REEP1: variants seen among roughly 807,000 people sequenced by gnomAD.
REEP1 encodes the protein receptor accessory protein 1.
REEP1 carries 22 observed loss-of-function variants against 40.3 expected under a neutral mutation model. The observed-to-expected ratio is 0.55, with a 90% CI of 0.39 to 0.78. The LOEUF (loss-of-function observed/expected upper bound fraction) is 0.78, where lower values mean the gene tolerates loss of function less well. Among genes scored for constraint, REEP1 ranks in the 30% least tolerant of loss-of-function variants. REEP1 has a pLI of 0.00. For missense variants in REEP1, 280 were observed against 361.1 expected (o/e 0.78, Z 1.82); for synonymous variants, 116 against 139.2 (o/e 0.83, Z 1.17).
At chr2:86,241,278 A>G (rs1444117301) in intron 5 of REEP1, among the ~76,000 whole-genome samples, 3 of 152,252 alleles carry the variant, frequency 2.0e-5, no homozygotes, top group Non-Finnish European at 4.4e-5. Flanking sequence ...GACCCACAGG[A>G]CAAATCTGCC....
intron 2 of REEP1, among the ~76,000 whole-genome samples, chr2:86,268,014 C>A (rs6547669): frequency 0.023 from 3,482 of 150,894 alleles, 134 homozygotes; most frequent in African/African-American, 0.079. Context: ...TGATAAAGAA[C>A]ATATTTTTTT....
intron 1 of REEP1, among the ~76,000 whole-genome samples, chr2:86,285,379 C>T (rs1024731798): frequency 1.3e-5 from 2 of 152,194 alleles, no homozygotes; most frequent in Non-Finnish European, 1.5e-5. Context: ...AAGCCTGTGA[C>T]AGGCCTTATG....
chr2:86,279,321 ATGAAGTTTGTGCT>A (rs1677931414), intron 2 of REEP1, among the ~76,000 whole-genome samples: 1 of 152,342 alleles, frequency 6.6e-6, no homozygotes, highest in East Asian at 1.9e-4. Flanking sequence ...AAATGCTGTA[ATGAAGTTTGTGCT>A]TGATCTTGCA....
intron 5 of REEP1, among the ~76,000 whole-genome samples, chr2:86,247,793 A>T (rs1193001683): frequency 6.6e-6 from 1 of 151,700 alleles, no homozygotes; most frequent in Admixed American, 6.6e-5. Flanking sequence ...CTAGTCTCGA[A>T]CTCCTGGCTT....
intron 5 of REEP1, among the ~76,000 whole-genome samples, chr2:86,248,951 G>A (rs771326338): frequency 2.4e-4 from 36 of 152,126 alleles, no homozygotes; most frequent in Non-Finnish European, 4.9e-4. Flanking sequence ...AGCCAGGTGC[G>A]AGGCACTGTG....
chr2:86,230,513 G>A (rs1309772493), intron 6 of REEP1, among the ~76,000 whole-genome samples: 1 of 152,212 alleles, frequency 6.6e-6, no homozygotes, highest in Non-Finnish European at 1.5e-5. Context: ...TCCCTCCCTC[G>A]AACCTGACCA....
intron 2 of REEP1, chr2:86,280,207 A>T: frequency 2.8e-6 from 1 of 360,816 alleles, no homozygotes. Context: ...TTCCCTCCTG[A>T]TACTACTCGG....
chr2:86,236,139 C>T (rs1675309070), intron 5 of REEP1, among the ~76,000 whole-genome samples: 1 of 151,922 alleles, frequency 6.6e-6, no homozygotes, highest in African/African-American at 2.4e-5. Flanking sequence ...TCTTTTGAAC[C>T]CGGGAGGTGG....
intron 5 of REEP1, among the ~76,000 whole-genome samples, chr2:86,240,994 G>A (rs1000373536): frequency 6.6e-6 from 1 of 152,222 alleles, no homozygotes. Context: ...GGAAGCCTGG[G>A]AGGTTAGACA....
chr2:86,260,156 C>G (rs1356837029), intron 3 of REEP1, among the ~76,000 whole-genome samples: 2 of 152,092 alleles, frequency 1.3e-5, no homozygotes, highest in African/African-American at 4.8e-5. Flanking sequence ...AGACTAGGAT[C>G]TATGACACCT....
Position 86,270,230 on chromosome 2 carries a change from C to T in REEP1, c.106-6189G>A, listed in dbSNP as rs187333568. ...TTGTTTGTTGAGATGGAGTTTTGCTCTTGTTGCCCAGGCTGGAGTGCAATG... is the reference window on the plus strand; with the variant it reads ...TTGTTTGTTGAGATGGAGTTTTGCTTTTGTTGCCCAGGCTGGAGTGCAATG... On this transcript the variant is annotated intron_variant, in intron 2 of 8. Coordinates refer to ENST00000538924, the MANE Select transcript of REEP1 (RefSeq NM_001371279.1). Among the ~76,000 whole-genome samples, 6 of 152,148 alleles carry T rather than the reference C, an allele frequency of 3.9e-5. No individual in the cohort carries two copies. The East Asian group carries it at 1.2e-3, about 29-fold the overall frequency.
chr2:86,280,442 C>G (rs1222015215), intron 2 of REEP1, among the ~76,000 whole-genome samples: 1 of 152,210 alleles, frequency 6.6e-6, no homozygotes, highest in African/African-American at 2.4e-5. Context: ...CTCAGAAGAG[C>G]TGACAGAGTT....
chr2:86,282,639 C>T (rs1678161085), intron 1 of REEP1, among the ~76,000 whole-genome samples: 1 of 152,134 alleles, frequency 6.6e-6, no homozygotes, highest in African/African-American at 2.4e-5. Flanking sequence ...AAACCTTTCC[C>T]CTCAAATTTC....
At chr2:86,299,173 A>G (rs1679147379) in intron 1 of REEP1, among the ~76,000 whole-genome samples, 1 of 152,136 alleles carries the variant, frequency 6.6e-6, no homozygotes, top group Non-Finnish European at 1.5e-5. Context: ...CTACTCATGC[A>G]TTTCTGCCAC....
intron 2 of REEP1, among the ~76,000 whole-genome samples, chr2:86,268,145 T>C (rs1300886496): frequency 2.0e-5 from 3 of 152,130 alleles, no homozygotes; most frequent in African/African-American, 4.8e-5. Flanking sequence ...AAGTCCTAGA[T>C]AATGCAATAA....
intron 1 of REEP1, among the ~76,000 whole-genome samples, chr2:86,286,527 C>T (rs1027359441): frequency 6.6e-6 from 1 of 152,102 alleles, no homozygotes; most frequent in Non-Finnish European, 1.5e-5. Context: ...ATTTTTTGAA[C>T]CCCAAGGTTC....
Position 86,216,740 on chromosome 2 carries a change from T to TA in REEP1, c.*298dup, listed in dbSNP as rs1674132090. 8.5e-6 allele frequency: 3 copies of TA among 350,978 alleles called. No homozygotes were observed. Among genetic ancestry groups the TA allele is most frequent in the Non-Finnish European group, 1.6e-5 (3 of 187,814 alleles). The allele number at this position is 350,978 out of a possible 1,614,324, so 21.7% of individuals were successfully genotyped here. A position where few individuals can be genotyped will look rare whatever the true frequency, so the allele number is the denominator to read the frequency against. On this transcript the variant is annotated 3_prime_UTR_variant, in exon 9 of 9. Coordinates refer to ENST00000538924, the MANE Select transcript of REEP1 (RefSeq NM_001371279.1). Reference sequence around the variant, plus strand: ...CATAGGGGTGATTCTCTTATCTTTCTAAAAAACACACTGCTGTCTATAATG... The same window carrying TA: ...CATAGGGGTGATTCTCTTATCTTTCTAAAAAAACACACTGCTGTCTATAATG...
intron 5 of REEP1, among the ~76,000 whole-genome samples, chr2:86,245,528 G>A (rs1191858500): frequency 2.0e-5 from 3 of 152,260 alleles, no homozygotes; most frequent in South Asian, 2.1e-4. Flanking sequence ...CACCTATGAC[G>A]CACTGCCTCC....
intron 1 of REEP1, among the ~76,000 whole-genome samples, chr2:86,330,618 A>ATT (rs34601728): frequency 0.031 from 4,645 of 151,344 alleles, 121 homozygotes; most frequent in East Asian, 0.072. Flanking sequence ...TAATTTTTGT[A>ATT]TTTTTTTTGT....
Sources: allele counts gnomAD v4.1 joint callset (sites outside exome capture counted in the v4.1 genomes callset), GRCh38; gene constraint gnomAD v4.1.1; transcripts MANE v1.5; gene names NCBI Gene and HGNC (gene_info 2026-07-23, HGNC 2026-07-21).